PINK1: variants seen among roughly 807,000 people sequenced by gnomAD.
PINK1 encodes serine/threonine-protein kinase PINK1, mitochondrial.
A neutral mutation model predicts 56.0 loss-of-function variants in PINK1; 58 were observed. That is an observed-to-expected ratio of 1.04 (90% CI 0.84 to 1.29). PINK1 has a LOEUF of 1.29. Among genes scored for constraint, PINK1 ranks in the 50% most tolerant of loss-of-function variants. PINK1 has a pLI of 0.00. For synonymous variants in PINK1, 354 were observed against 339.3 expected, an observed-to-expected ratio of 1.04 and a Z score of -0.48; for missense variants, 745 against 777.9, an observed-to-expected ratio of 0.96 and a Z score of 0.50.
intron 2 of PINK1, 66 bp downstream of exon 2, chr1:20,638,195 G>A: frequency 6.4e-7 from 1 of 1,558,978 alleles, no homozygotes; most frequent in South Asian, 1.1e-5. Context: ...TGGGCCTGGT[G>A]AGGATTTTTT....
At chr1:20,645,981 GTAAA>G (rs1007033970) in intron 5 of PINK1, among the ~76,000 whole-genome samples, 1 of 151,984 alleles carries the variant, frequency 6.6e-6, no homozygotes, top group African/African-American at 2.4e-5. Flanking sequence ...GTTTTCCTAG[GTAAA>G]TAAAGAGGCC....
In PINK1 at chr1:20,645,705, C is replaced by T. The variant is rs759686620; in HGVS notation, c.1105C>T (p.Leu369Phe). Residue 369 changes from leucine to phenylalanine, a missense_variant, in exon 5 of 8, where the codon CTT becomes TTT. Physicochemically the swap from Leu to Phe is conservative, Grantham distance 22. Transcript: ENST00000321556. ...CAGAGACCTGAAATCCGACAACATC[C>T]TTGTGGAGCTGGACCCAGGTAGGAA... ...AHRDLKSDNI[L>F]VELDPDGCPW... 6.2e-7 allele frequency: 1 copy of T among 1,614,114 alleles called. No individual in the cohort carries two copies. The highest frequency in any genetic ancestry group is 8.5e-7 in the Non-Finnish European group (1 of 1,180,022).
chr1:20,638,215 A>G lies in PINK1; in HGVS notation c.675+86A>G, dbSNP rs977245424. 1.4e-5 allele frequency: 21 copies of G among 1,473,068 alleles called. No individual in the cohort carries two copies. The Admixed American group carries it at 3.5e-4, about 24-fold the overall frequency. The allele number at this position is 1,473,068 out of a possible 1,614,324, so 91.2% of individuals were successfully genotyped here. A position where few individuals can be genotyped will look rare whatever the true frequency, so the allele number is the denominator to read the frequency against. On this transcript the variant is annotated intron_variant, in intron 2 of 7. Transcript: ENST00000321556. ...CTGGTGAGGATTTTTTCCAGGAAGTAGGTAGGAAAAGACAGATTATCCACA... is the reference window on the plus strand; with the variant it reads ...CTGGTGAGGATTTTTTCCAGGAAGTGGGTAGGAAAAGACAGATTATCCACA...
chr1:20,637,210 G>T (rs1006213243), intron 1 of PINK1, among the ~76,000 whole-genome samples: 21 of 152,316 alleles, frequency 1.4e-4, no homozygotes, highest in African/African-American at 4.3e-4. Context: ...TGAAGCAGGG[G>T]AAGACCCACC....
At chr1:20,642,210 T>C (rs1205411509) in intron 3 of PINK1, among the ~76,000 whole-genome samples, 2 of 152,170 alleles carry the variant, frequency 1.3e-5, no homozygotes, top group African/African-American at 4.8e-5. Flanking sequence ...CCCTCCACCA[T>C]TGTTATGCAG....
At chr1:20,636,200 A>T (rs2053054594) in intron 1 of PINK1, among the ~76,000 whole-genome samples, 1 of 108,084 alleles carries the variant, frequency 9.3e-6, no homozygotes, top group South Asian at 2.8e-4. Flanking sequence ...ATAAAAATAT[A>T]TATATAATGT....
chr1:20,644,397 T>G (rs942499187), intron 3 of PINK1, 93 bp from the exon 4 acceptor site: 1 of 1,311,160 alleles, frequency 7.6e-7, no homozygotes, highest in African/African-American at 1.5e-5. Context: ...GAATAATGAA[T>G]GTCAGTGCCA....
rs1331775010 is a variant in PINK1 at position 20,633,753 on chromosome 1, T to C, written c.205T>C (p.Phe69Leu). The part of the protein sequence containing the change: ...VGLGLPNRLR[F>L]FRQSVAGLAA... ...GCTCGGGCTCCCTAACCGTCTCCGC[T>C]TCTTCCGCCAGTCGGTGGCCGGGCT... Residue 69 changes from phenylalanine (F) to leucine (L), a missense_variant, in exon 1 of 8, where the codon TTC becomes CTC. By Grantham distance (22) the Phe-to-Leu change is conservative. Transcript: ENST00000321556. 1.3e-6 allele frequency: 2 copies of C among 1,548,036 alleles called. No individual in the cohort carries two copies. The highest frequency in any genetic ancestry group is 3.8e-5 in the Admixed American group (2 of 52,014).
chr1:20,640,893 G>A (rs898736265), intron 3 of PINK1, among the ~76,000 whole-genome samples: 5 of 152,060 alleles, frequency 3.3e-5, no homozygotes, highest in African/African-American at 4.8e-5. Context: ...AATTTTAGCC[G>A]GGCATGGGGG....
At chr1:20,637,653 G>A (rs2053069568) in intron 1 of PINK1, among the ~76,000 whole-genome samples, 189 bp from the exon 2 acceptor site, 1 of 152,120 alleles carries the variant, frequency 6.6e-6, no homozygotes, top group African/African-American at 2.4e-5. Context: ...AAATCATTCT[G>A]AATAATGAGA....
chr1:20,636,201 T>C (rs2053054622), intron 1 of PINK1, among the ~76,000 whole-genome samples: 1 of 104,708 alleles, frequency 9.6e-6, no homozygotes, highest in African/African-American at 3.2e-5. Context: ...TAAAAATATA[T>C]ATATAATGTG....
chr1:20,638,492 G>A, intron 2 of PINK1: 1 of 312,612 alleles, frequency 3.2e-6, no homozygotes, highest in South Asian at 2.9e-5. Context: ...TTAGCCGGGT[G>A]TGACAGCTTG....
chr1:20,639,544 AG>A (rs1209248559), intron 2 of PINK1: 1 of 362,622 alleles, frequency 2.8e-6, no homozygotes, highest in Non-Finnish European at 5.4e-6. Flanking sequence ...CTGCAGAATG[AG>A]TTAGTGATCC....
intron 4 of PINK1, 39 bp from the exon 5 acceptor site, chr1:20,645,521 G>A (rs770076225): frequency 2.0e-5 from 32 of 1,586,870 alleles, no homozygotes; most frequent in East Asian, 1.8e-4. Context: ...GGGAGTCGTC[G>A]ATGTGTGGTA....
rs1469164217 is a variant in PINK1, at chr1:20,633,726, G to C, written c.178G>C (p.Gly60Arg). ...AGPGAEPRRV[G>R]LGLPNRLRFF... ...ACCGGGCGCGGAGCCTCGCAGGGTCGGGCTCGGGCTCCCTAACCGTCTCCG... is the reference window on the plus strand; with the variant it reads ...ACCGGGCGCGGAGCCTCGCAGGGTCCGGCTCGGGCTCCCTAACCGTCTCCG... The change falls in exon 1 of 8, where the codon GGG becomes CGG. Residue 60 changes from glycine (G) to arginine (R), a missense_variant. Gly to Arg is a moderately radical substitution (Grantham distance 125, BLOSUM62 -2). Transcript: ENST00000321556. 7.2e-6 allele frequency: 11 copies of C among 1,531,374 alleles called. No individual in the cohort carries two copies. The highest frequency in any genetic ancestry group is 1.4e-5 in the African/African-American group (1 of 72,334). 94.9% of individuals were successfully genotyped at this position (1,531,374 alleles called of 1,614,324 possible). A position where few individuals can be genotyped will look rare whatever the true frequency, so the allele number is the denominator to read the frequency against.
chr1:20,644,460 C>T, intron 3 of PINK1, 30 bp from the exon 4 acceptor site: 1 of 1,610,994 alleles, frequency 6.2e-7, no homozygotes, highest in Non-Finnish European at 8.5e-7. Flanking sequence ...TGATGCTGGC[C>T]TCATATGTTT....
chr1:20,649,269 A>G (rs765538347), intron 7 of PINK1, 38 bp downstream of exon 7: 22 of 1,601,756 alleles, frequency 1.4e-5, no homozygotes, highest in Non-Finnish European at 1.0e-5. Flanking sequence ...CGGTGTGGGT[A>G]GAAACCTCTG....
chr1:20,648,311 T>G, intron 5 of PINK1, 194 bp from the exon 6 acceptor site: 1 of 708,070 alleles, frequency 1.4e-6, no homozygotes, highest in Admixed American at 2.2e-5. Context: ...CAGCCTGTAC[T>G]TACTGGAGGC....
intron 6 of PINK1, 23 bp downstream of exon 6, chr1:20,648,655 G>T: frequency 1.9e-6 from 3 of 1,612,030 alleles, no homozygotes; most frequent in Non-Finnish European, 2.5e-6. Flanking sequence ...TGTGTCATGC[G>T]CCATCGGCAG....
Sources: allele counts gnomAD v4.1 joint callset (sites outside exome capture counted in the v4.1 genomes callset), GRCh38; gene constraint gnomAD v4.1.1; transcripts MANE v1.5; gene names NCBI Gene and HGNC (gene_info 2026-07-23, HGNC 2026-07-21).